PTPN13: variants seen among roughly 807,000 people sequenced by gnomAD.
PTPN13 encodes the protein protein tyrosine phosphatase non-receptor type 13.
Under a neutral mutation model 284.0 loss-of-function variants are expected in PTPN13, and 191 were observed. That is an observed-to-expected ratio of 0.67 (90% CI 0.60 to 0.76). PTPN13 has a LOEUF of 0.76. Among genes scored for constraint, PTPN13 ranks in the 30% least tolerant of loss-of-function variants. The probability of loss-of-function intolerance (pLI) is 0.00; values close to 1 mark genes in which losing one functional copy is unlikely to be tolerated. For missense variants in PTPN13, 2,797 were observed against 2,939.9 expected (o/e 0.95, Z 1.12); for synonymous variants, 986 against 1,022.3 (o/e 0.96, Z 0.68).
intron 23 of PTPN13, among the ~76,000 whole-genome samples, chr4:86,759,413 TGAA>T (rs1005074786): frequency 3.4e-4 from 51 of 152,232 alleles, no homozygotes; most frequent in African/African-American, 1.1e-3. Flanking sequence ...AAGCACTTGA[TGAA>T]GATCAGATGA....
intron 20 of PTPN13, among the ~76,000 whole-genome samples, chr4:86,757,004 G>A (rs1300687445): frequency 1.3e-5 from 2 of 152,124 alleles, no homozygotes; most frequent in Non-Finnish European, 2.9e-5. Flanking sequence ...TATGTTGAAC[G>A]AACTGACCAC....
Position 86,705,092 on chromosome 4 carries a change from T to C in PTPN13, c.1195+3291T>C, listed in dbSNP as rs146245624. Among the ~76,000 whole-genome samples, 680 of 152,220 alleles carry C rather than the reference T, an allele frequency of 4.5e-3. 2 individuals carry two copies. The highest frequency in any genetic ancestry group is 6.8e-3 in the Middle Eastern group (2 of 294). ...GGCTGATGCCTGTAATCCCAGCACT[T>C]TGGGAGGCCAGGGCGGGCAGATCAC... On this transcript the variant is annotated intron_variant, in intron 7 of 47. Coordinates refer to ENST00000411767, the MANE Select transcript of PTPN13 (RefSeq NM_080683.3).
intron 42 of PTPN13, among the ~76,000 whole-genome samples, chr4:86,802,163 G>A (rs13142157): frequency 1.6e-4 from 24 of 151,856 alleles, no homozygotes; most frequent in Non-Finnish European, 3.4e-4. Flanking sequence ...GTGTGTGTGT[G>A]TGTGTGTGTG....
chr4:86,653,926 A>G (rs1578344703), intron 2 of PTPN13, among the ~76,000 whole-genome samples: 1 of 152,214 alleles, frequency 6.6e-6, no homozygotes, highest in African/African-American at 2.4e-5. Flanking sequence ...CTAAACTTCA[A>G]TGCATAAAAT....
At chr4:86,716,102 CAG>C (rs1380734584) in intron 7 of PTPN13, among the ~76,000 whole-genome samples, 4 of 152,178 alleles carry the variant, frequency 2.6e-5, no homozygotes, top group Non-Finnish European at 5.9e-5. Flanking sequence ...TAGAATCTAA[CAG>C]AGAATTACAC....
intron 44 of PTPN13, among the ~76,000 whole-genome samples, chr4:86,806,093 G>A (rs2149380857): frequency 6.6e-6 from 1 of 151,592 alleles, no homozygotes; most frequent in East Asian, 1.9e-4. Context: ...GGAGGCAGAG[G>A]TTGCAGCGAG....
rs1282162409 is a variant in PTPN13 at position 86,789,182 on chromosome 4, T to G, written c.6345+3246T>G. On this transcript the variant is annotated intron_variant, in intron 40 of 47. Coordinates refer to ENST00000411767, the MANE Select transcript of PTPN13 (RefSeq NM_080683.3). Reference sequence around the variant, plus strand: ...AGTTCATGAAGTGACTTACATGCCATGCCAAGGAATTTGATCTTTCCACAT... The same window carrying G: ...AGTTCATGAAGTGACTTACATGCCAGGCCAAGGAATTTGATCTTTCCACAT... Among the ~76,000 whole-genome samples the G allele has an allele frequency of 2.0e-5, 3 of 152,238 alleles. No individual in the cohort carries two copies. The East Asian group carries it at 5.8e-4, about 29-fold the overall frequency.
chr4:86,749,307 ATCT>A (rs1436802318), intron 17 of PTPN13, among the ~76,000 whole-genome samples: 1 of 145,934 alleles, frequency 6.9e-6, no homozygotes, highest in Non-Finnish European at 1.5e-5. Flanking sequence ...CTTTTTCTTC[ATCT>A]TCATCATCAT....
At chr4:86,609,010 A>G (rs1052637837) in intron 1 of PTPN13, among the ~76,000 whole-genome samples, 10 of 152,150 alleles carry the variant, frequency 6.6e-5, no homozygotes, top group African/African-American at 2.4e-4. Flanking sequence ...TCTGAGGAGA[A>G]CTACAAAAGT....
chr4:86,622,397 A>G (rs752339128), intron 1 of PTPN13, among the ~76,000 whole-genome samples: 4 of 152,240 alleles, frequency 2.6e-5, no homozygotes, highest in South Asian at 2.1e-4. Context: ...AACTAAGTAC[A>G]TAAAGCCCCT....
chr4:86,812,768 G>A (rs939092872), intron 47 of PTPN13, among the ~76,000 whole-genome samples: 1 of 152,014 alleles, frequency 6.6e-6, no homozygotes, highest in Non-Finnish European at 1.5e-5. Context: ...TAGAGGGGAG[G>A]TGACAGGGTC....
chr4:86,758,722 G>A lies in PTPN13; in HGVS notation c.3358G>A (p.Gly1120Ser). 1 of 1,613,770 alleles carries A rather than the reference G, an allele frequency of 6.2e-7. No individual in the cohort carries two copies. Among genetic ancestry groups the A allele is most frequent in the Non-Finnish European group, 8.5e-7 (1 of 1,179,752 alleles). The change falls in exon 22 of 48, where the codon GGC (glycine) becomes AGC (serine). Residue 1120 changes from glycine to serine, a missense_variant. Coordinates refer to ENST00000411767, the MANE Select transcript of PTPN13 (RefSeq NM_080683.3). ...GGEKMGRLDL[G>S]IFISSVAPGG... ...GGAGAAGATGGGAAGACTGGACCTA[G>A]GCATATTTATCAGTTCAGTTGCCCC...
chr4:86,672,428 C>A lies in PTPN13; in HGVS notation c.179C>A (p.Pro60Gln). Residue 60 changes from proline (P) to glutamine (Q), a missense_variant, in exon 3 of 48, where the codon CCA (proline) becomes CAA (glutamine). Transcript: ENST00000411767. ...TCTCCATGGTCTCTGCTGTTGCTGCCATCTGGTAGTGTGTCATTTACAGAT... is the reference window on the plus strand; with the variant it reads ...TCTCCATGGTCTCTGCTGTTGCTGCAATCTGGTAGTGTGTCATTTACAGAT... ...IISPWSLLLL[P>Q]SGSVSFTDEN... is the part of the protein sequence containing the mutation. 6.4e-7 allele frequency: 1 copy of A among 1,565,494 alleles called. No homozygotes were observed. The highest frequency in any genetic ancestry group is 8.7e-7 in the Non-Finnish European group (1 of 1,154,106).
chr4:86,738,420 G>A (rs1461918267), intron 15 of PTPN13, among the ~76,000 whole-genome samples: 2 of 152,060 alleles, frequency 1.3e-5, no homozygotes, highest in Non-Finnish European at 2.9e-5. Flanking sequence ...GTGAATAGTG[G>A]TATATTATTA....
At chr4:86,603,783 A>G (rs1764515893) in intron 1 of PTPN13, among the ~76,000 whole-genome samples, 1 of 152,114 alleles carries the variant, frequency 6.6e-6, no homozygotes, top group African/African-American at 2.4e-5. Context: ...GAACTCAGAT[A>G]ATTAGCATCA....
intron 15 of PTPN13, among the ~76,000 whole-genome samples, chr4:86,741,150 C>A (rs1333370345): frequency 6.6e-6 from 1 of 152,298 alleles, no homozygotes; most frequent in East Asian, 1.9e-4. Context: ...CTGCCTGTTA[C>A]CCAGTTCCAA....
intron 3 of PTPN13, among the ~76,000 whole-genome samples, chr4:86,684,337 C>T (rs980638): frequency 0.05 from 7,606 of 151,946 alleles, 262 homozygotes; most frequent in African/African-American, 0.073. Context: ...GAACAGCTCA[C>T]GAAAAGCTGA....
At chr4:86,712,418 A>G (rs541084266) in intron 7 of PTPN13, among the ~76,000 whole-genome samples, 16 of 151,892 alleles carry the variant, frequency 1.1e-4, no homozygotes, top group South Asian at 6.2e-4. Flanking sequence ...GCCTCTCCAT[A>G]TATACCACTG....
intron 40 of PTPN13, among the ~76,000 whole-genome samples, chr4:86,786,157 AC>A (rs1275531955): frequency 5.3e-5 from 8 of 152,284 alleles, no homozygotes; most frequent in East Asian, 3.9e-4. Context: ...AGAAAAAAAA[AC>A]AATTAGTTTT....
Sources: allele counts gnomAD v4.1 joint callset (sites outside exome capture counted in the v4.1 genomes callset), GRCh38; gene constraint gnomAD v4.1.1; transcripts MANE v1.5; gene names NCBI Gene and HGNC (gene_info 2026-07-23, HGNC 2026-07-21).